SLC4A4: variants seen among roughly 807,000 people sequenced by gnomAD.
The protein encoded by SLC4A4 is electrogenic sodium bicarbonate cotransporter 1.
In SLC4A4, 27 loss-of-function variants were observed where a neutral mutation model predicts 111.5. That is an observed-to-expected ratio of 0.24 (90% CI 0.18 to 0.33). The LOEUF is 0.33. Ranked by LOEUF, SLC4A4 falls within the 10% of genes least tolerant of loss-of-function variation. The probability of loss-of-function intolerance (pLI) is 1.00; values close to 1 mark genes in which losing one functional copy is unlikely to be tolerated. For synonymous variants in SLC4A4, 443 were observed against 463.4 expected (o/e 0.96, Z 0.57); for missense variants, 909 against 1,315.5 (o/e 0.69, Z 4.78).
At chr4:71,190,007 G>C (rs1402156100) in intron 1 of SLC4A4, among the ~76,000 whole-genome samples, 5 of 152,176 alleles carry the variant, frequency 3.3e-5, no homozygotes, top group Admixed American at 6.5e-5. Context: ...GATCTCAGTT[G>C]ATGCTGTTTC....
intron 2 of SLC4A4, among the ~76,000 whole-genome samples, chr4:71,115,385 C>T (rs1161464799): frequency 6.6e-6 from 1 of 151,562 alleles, no homozygotes. Context: ...CACAAACAAA[C>T]AAACAAACAA....
At chr4:71,519,495 A>G (rs1463922227) in intron 16 of SLC4A4, among the ~76,000 whole-genome samples, 1 of 152,206 alleles carries the variant, frequency 6.6e-6, no homozygotes, top group East Asian at 1.9e-4. Flanking sequence ...CAGAGAGGAG[A>G]AAGTATGTGT....
intron 5 of SLC4A4, among the ~76,000 whole-genome samples, chr4:71,354,957 A>C (rs1730155567): frequency 6.6e-6 from 1 of 152,186 alleles, no homozygotes; most frequent in Non-Finnish European, 1.5e-5. Context: ...TGAACACCGA[A>C]GGCTTAATTT....
intron 16 of SLC4A4, among the ~76,000 whole-genome samples, chr4:71,512,757 A>G (rs1732046039): frequency 6.6e-6 from 1 of 152,108 alleles, no homozygotes; most frequent in African/African-American, 2.4e-5. Flanking sequence ...CAGTATTTTT[A>G]TAGTTTTGGG....
chr4:71,505,109 T>C (rs912402813), intron 16 of SLC4A4, among the ~76,000 whole-genome samples: 1 of 152,158 alleles, frequency 6.6e-6, no homozygotes, highest in Non-Finnish European at 1.5e-5. Context: ...ATGTACCACA[T>C]TGTCTTTATC....
chr4:71,530,015 G>C (rs900275146), intron 16 of SLC4A4, among the ~76,000 whole-genome samples: 4 of 152,052 alleles, frequency 2.6e-5, no homozygotes, highest in Non-Finnish European at 5.9e-5. Flanking sequence ...AACACTACTT[G>C]CACAAAACTT....
At chr4:71,131,840 C>G (rs1743714886) in intron 2 of SLC4A4, among the ~76,000 whole-genome samples, 1 of 152,140 alleles carries the variant, frequency 6.6e-6, no homozygotes, top group Non-Finnish European at 1.5e-5. Context: ...TCGGGACAAG[C>G]TCTACCCTGT....
chr4:71,203,037 AG>A (rs1746328875), intron 1 of SLC4A4, among the ~76,000 whole-genome samples: 2 of 152,102 alleles, frequency 1.3e-5, no homozygotes. Context: ...TTAAGATTTT[AG>A]TTCCACATTT....
chr4:71,461,348 CT>C (rs1726803770), intron 12 of SLC4A4, among the ~76,000 whole-genome samples: 1 of 151,892 alleles, frequency 6.6e-6, no homozygotes, highest in Admixed American at 6.6e-5. Flanking sequence ...TCTCCTTAGC[CT>C]TTTTTCCCCT....
At chr4:71,311,890 T>TGAGAGAGAGA (rs761331086) in intron 3 of SLC4A4, among the ~76,000 whole-genome samples, 11,695 of 75,634 alleles carry the variant, frequency 0.15, 1,457 homozygotes, top group Non-Finnish European at 0.2. Flanking sequence ...TGCAAGGCTG[T>TGAGAGAGAGA]GAGAGAGAGA....
At chr4:71,417,653 C>T (rs1721942069) in intron 7 of SLC4A4, among the ~76,000 whole-genome samples, 1 of 152,102 alleles carries the variant, frequency 6.6e-6, no homozygotes, top group African/African-American at 2.4e-5. Flanking sequence ...GTCTCTGTCC[C>T]ACTTTATTTT....
intron 1 of SLC4A4, among the ~76,000 whole-genome samples, chr4:71,073,641 G>C (rs564383356): frequency 6.6e-6 from 1 of 152,042 alleles, no homozygotes; most frequent in South Asian, 2.1e-4. Flanking sequence ...TTTTTATAAT[G>C]TATGTTTCCC....
intron 6 of SLC4A4, among the ~76,000 whole-genome samples, chr4:71,374,980 T>G (rs1312632618): frequency 6.6e-6 from 1 of 152,218 alleles, no homozygotes; most frequent in Non-Finnish European, 1.5e-5. Flanking sequence ...CAACTTTGAT[T>G]AATGCAACTT....
intron 2 of SLC4A4, among the ~76,000 whole-genome samples, chr4:71,163,223 T>C (rs1020553596): frequency 9.2e-5 from 14 of 152,190 alleles, no homozygotes; most frequent in African/African-American, 3.4e-4. Context: ...TTTTTGTCAT[T>C]CCAGTTTTAT....
At chr4:71,514,509 C>T (rs1215217315) in intron 16 of SLC4A4, among the ~76,000 whole-genome samples, 3 of 152,202 alleles carry the variant, frequency 2.0e-5, no homozygotes, top group East Asian at 1.9e-4. Flanking sequence ...TAAAGTAATG[C>T]GATAATTGAC....
intron 16 of SLC4A4, among the ~76,000 whole-genome samples, chr4:71,501,236 T>C (rs1029088258): frequency 4.6e-5 from 7 of 152,052 alleles, no homozygotes; most frequent in African/African-American, 1.7e-4. Context: ...GGATTGTGAT[T>C]TTTTTTTCAG....
rs946465800 is a variant in SLC4A4, at chr4:71,255,486, G to A, written c.253+87G>A. 6.9e-5 allele frequency: 90 copies of A among 1,306,122 alleles called. No homozygotes were observed. The Admixed American group carries it at 6.9e-4, about 10-fold the overall frequency. The allele number at this position is 1,306,122 out of a possible 1,614,324, so 80.9% of individuals were successfully genotyped here. A position where few individuals can be genotyped will look rare whatever the true frequency, so the allele number is the denominator to read the frequency against. ...ACCTTTTTGAATCTTGTGGCTAAAG[G>A]GGAGGGACACTGTAATACTGAGATG... On this transcript the variant is annotated intron_variant, in intron 3 of 25. Coordinates refer to ENST00000264485, the MANE Select transcript of SLC4A4 (RefSeq NM_001098484.3).
chr4:71,118,066 G>A (rs935998447), intron 2 of SLC4A4, among the ~76,000 whole-genome samples: 2 of 151,862 alleles, frequency 1.3e-5, no homozygotes, highest in African/African-American at 4.8e-5. Context: ...AGCAGAGATG[G>A]GGTTTCTCTA....
intron 3 of SLC4A4, among the ~76,000 whole-genome samples, chr4:71,305,355 C>T (rs1725596096): frequency 6.6e-6 from 1 of 152,314 alleles, no homozygotes; most frequent in African/African-American, 2.4e-5. Context: ...CTTAAGAGGT[C>T]TGTTCCATTC....
Sources: allele counts gnomAD v4.1 joint callset (sites outside exome capture counted in the v4.1 genomes callset), GRCh38; gene constraint gnomAD v4.1.1; transcripts MANE v1.5; gene names NCBI Gene and HGNC (gene_info 2026-07-23, HGNC 2026-07-21).